TTN: variants seen among roughly 807,000 people sequenced by gnomAD.
TTN encodes titin, also known as connectin.
A neutral mutation model predicts 3,223.0 loss-of-function variants in TTN; 1,525 were observed. The ratio of observed to expected loss-of-function variants is 0.47; its 90% confidence interval spans 0.45 to 0.49. The LOEUF (loss-of-function observed/expected upper bound fraction) is 0.49, where lower values mean the gene tolerates loss of function less well. TTN is among the 20% of genes least tolerant of loss of function. The pLI is 0.00. For missense variants in TTN, 40,786 were observed against 43,424.0 expected (o/e 0.94, Z 5.40); for synonymous variants, 14,094 against 15,161.0 (o/e 0.93, Z 5.17).
chr2:178,547,647 C>G lies in TTN; in HGVS notation c.93979G>C (p.Val31327Leu). 1 of 1,613,880 alleles carries G rather than the reference C, an allele frequency of 6.2e-7. No homozygotes were observed. The highest frequency in any genetic ancestry group is 1.7e-5 in the Admixed American group (1 of 60,012). Residue 31327 changes from valine (V) to leucine (L), a missense_variant, in exon 339 of 363, where the codon GTC (valine) becomes CTC (leucine). Transcript: ENST00000589042. ...EVSSVSAESC[V>L]LSWGEPKDGG... ...TCTTTAGGTTCTCCCCATGACAGGA[C>G]ACACGATTCAGCTGAGACAGATGAG...
rs886042279 is a variant in TTN at position 178,586,577 on chromosome 2, C to T, written c.64324G>A (p.Ala21442Thr). The change falls in exon 308 of 363, where the codon GCG becomes ACG. Residue 21442 changes from alanine (A) to threonine (T), a missense_variant. Coordinates refer to ENST00000589042, the MANE Select transcript of TTN (RefSeq NM_001267550.2). ...KEGKKYKFRV[A>T]ARNAVGVSLP... ...CTGACTCCAACAGCATTTCTGGCCGCTACTCTAAATTTGTATTTCTTTCCT... is the reference window on the plus strand; with the variant it reads ...CTGACTCCAACAGCATTTCTGGCCGTTACTCTAAATTTGTATTTCTTTCCT... 1.2e-6 allele frequency: 2 copies of T among 1,613,220 alleles called. No homozygotes were observed. Among genetic ancestry groups the T allele is most frequent in the South Asian group, 1.1e-5 (1 of 91,066 alleles).
At chr2:178,603,267 C>G (rs2053935026) in intron 282 of TTN, among the ~76,000 whole-genome samples, 1 of 152,002 alleles carries the variant, frequency 6.6e-6, no homozygotes, top group Non-Finnish European at 1.5e-5. Context: ...TTAAAATTTT[C>G]TTTTTAACAA....
At chr2:178,751,830 T>C in intron 47 of TTN, 1 of 1,612,928 alleles carries the variant, frequency 6.2e-7, no homozygotes, top group Non-Finnish European at 8.5e-7. Context: ...AATCTACATG[T>C]AAAAACAACC....
intron 152 of TTN, among the ~76,000 whole-genome samples, 181 bp downstream of exon 152, chr2:178,673,452 C>A (rs543423069): frequency 6.6e-6 from 1 of 151,666 alleles, no homozygotes; most frequent in African/African-American, 2.4e-5. Flanking sequence ...AACACATGCA[C>A]ACAATTATTC....
At chr2:178,757,231 T>TGCACTTGCTTTAAGTA (rs1252574568) in intron 45 of TTN, among the ~76,000 whole-genome samples, 4 of 148,872 alleles carry the variant, frequency 2.7e-5, no homozygotes, top group Non-Finnish European at 6.0e-5. Flanking sequence ...TAAGTAATAA[T>TGCACTTGCTTTAAGTA]CAGCAAATAG....
rs577123833 is a variant in TTN, at chr2:178,555,236, T to TTAAAGTAAAG, written c.88307-85_88307-84insCTTTACTTTA. 589 of 1,267,534 alleles carry TTAAAGTAAAG rather than the reference T, an allele frequency of 4.6e-4. 1 individual carries two copies. In the African/African-American group the frequency reaches 8.3e-3, roughly 18 times the overall value. The allele number at this position is 1,267,534 out of a possible 1,614,324, so 78.5% of individuals were successfully genotyped here. A position where few individuals can be genotyped will look rare whatever the true frequency, so the allele number is the denominator to read the frequency against. ...TTGCACCAACCTTAAAGTAAGGTCA[T>TTAAAGTAAAG]TGGCCATTATTAAATTATACACACA... On this transcript the variant is annotated intron_variant, in intron 330 of 362. Transcript: ENST00000589042.
rs150545120 is a variant in TTN, at chr2:178,679,093, G to T, written c.33742+246C>A. ...GTTTTGTCCATTTTGATATGCAAAA[G>T]GAATGTATTTTACTTGAAGAACTTT... On this transcript the variant is annotated intron_variant, in intron 142 of 362. Coordinates refer to ENST00000589042, the MANE Select transcript of TTN (RefSeq NM_001267550.2). Among the ~76,000 whole-genome samples the T allele has an allele frequency of 2.1e-4, 32 of 152,096 alleles. No individual in the cohort carries two copies. The East Asian group carries it at 5.6e-3, about 27-fold the overall frequency.
At position 178,582,007 on chromosome 2, in the gene TTN, T is replaced by C. The variant is rs1369743485; in HGVS notation, c.66362A>G (p.Gln22121Arg). 1 of 1,613,380 alleles carries C rather than the reference T, an allele frequency of 6.2e-7. No homozygotes were observed. ...IERTLKATGLQEGTEYEFRVT... is the reference protein window; with the variant it reads ...IERTLKATGLREGTEYEFRVT... ...ACGGAACTCATATTCGGTACCTTCTTGAAGACCTGTTGCTTTTAATGTTCT... is the reference window on the plus strand; with the variant it reads ...ACGGAACTCATATTCGGTACCTTCTCGAAGACCTGTTGCTTTTAATGTTCT... Residue 22121 changes from glutamine (Q) to arginine (R), a missense_variant, in exon 315 of 363, where the codon CAA becomes CGA. Transcript: ENST00000589042.
chr2:178,706,601 A>C lies in TTN; in HGVS notation c.29273T>G (p.Ile9758Ser). The change falls in exon 102 of 363, where the codon ATT (isoleucine) becomes AGT (serine). Residue 9758 changes from isoleucine to serine, a missense_variant. Coordinates refer to ENST00000589042, the MANE Select transcript of TTN (RefSeq NM_001267550.2). Reference sequence around the variant, plus strand: ...AGAATCAGTTTTTGTGGTGTCCCTAATCTCCAGTTTTGCTTCATCGCCTTT... The same window carrying C: ...AGAATCAGTTTTTGTGGTGTCCCTACTCTCCAGTTTTGCTTCATCGCCTTT... ...HQKGDEAKLE[I>S]RDTTKTDSGL... 3 of 1,613,842 alleles carry C rather than the reference A, an allele frequency of 1.9e-6. No individual in the cohort carries two copies. Among genetic ancestry groups the C allele is most frequent in the Non-Finnish European group, 2.5e-6 (3 of 1,179,828 alleles).
At chr2:178,546,941 AC>A in intron 340 of TTN, 36 bp from the exon 341 acceptor site, 1 of 1,577,022 alleles carries the variant, frequency 6.3e-7, no homozygotes, top group South Asian at 1.2e-5. Context: ...AAAATATACC[AC>A]TCTGAGTTCT....
chr2:178,556,635 T>A, intron 330 of TTN: 3 of 582,454 alleles, frequency 5.2e-6, no homozygotes, highest in Non-Finnish European at 8.9e-6. Flanking sequence ...ATAGATATCC[T>A]GAGGTCTAAA....
intron 86 of TTN, 51 bp downstream of exon 86, chr2:178,717,892 T>G (rs1224529438): frequency 6.3e-7 from 1 of 1,575,848 alleles, no homozygotes; most frequent in Non-Finnish European, 8.6e-7. Flanking sequence ...GTTTTAACGT[T>G]TTTAAGAAAA....
Position 178,671,077 on chromosome 2 carries a change from A to T in TTN, c.35308+13T>A. 1 of 1,594,578 alleles carries T rather than the reference A, an allele frequency of 6.3e-7. No individual in the cohort carries two copies. Among genetic ancestry groups the T allele is most frequent in the African/African-American group, 1.4e-5 (1 of 73,676 alleles). ...ATGTAAAGTTAAGTAGTAATTTTTC[A>T]CAAAGAAGATACCTTTAGCTGGTGG... On this transcript the variant is annotated intron_variant, in intron 156 of 362. Transcript: ENST00000589042.
intron 47 of TTN, chr2:178,750,463 G>T (rs2085130668): frequency 6.2e-7 from 1 of 1,612,942 alleles, no homozygotes; most frequent in Non-Finnish European, 8.5e-7. Flanking sequence ...GCATGTCATT[G>T]TTATACCACG....
rs2050534422 is a variant in TTN at position 178,592,887 on chromosome 2, G to T, written c.59232C>A (p.Val19744=). 4 of 1,613,352 alleles carry T rather than the reference G, an allele frequency of 2.5e-6. No individual in the cohort carries two copies. The highest frequency in any genetic ancestry group is 1.7e-5 in the Admixed American group (1 of 59,962). Residue 19744 remains valine, a synonymous_variant, in exon 300 of 363, where the codon GTC becomes GTA. Coordinates refer to ENST00000589042, the MANE Select transcript of TTN (RefSeq NM_001267550.2). Reference sequence around the variant, plus strand: ...AGGTTTGACCGTCCCGAAGACCGGTGACTTTATATTTAGTTTCAGGACATG... The same window carrying T: ...AGGTTTGACCGTCCCGAAGACCGGTTACTTTATATTTAGTTTCAGGACATG... The part of the protein sequence containing the change: ...PESCPETKYK[V]TGLRDGQTYK...
chr2:178,715,653 C>A lies in TTN; in HGVS notation c.25761G>T (p.Glu8587Asp), dbSNP rs2077371991. 6.2e-7 allele frequency: 1 copy of A among 1,613,364 alleles called. No individual in the cohort carries two copies. Among genetic ancestry groups the A allele is most frequent in the Non-Finnish European group, 8.5e-7 (1 of 1,179,548 alleles). Residue 8587 changes from glutamate to aspartate, a missense_variant, in exon 89 of 363, where the codon GAG becomes GAT. Physicochemically the swap from Glu to Asp is conservative, Grantham distance 45. Coordinates refer to ENST00000589042, the MANE Select transcript of TTN (RefSeq NM_001267550.2). ...PEIKVLWYKD[E>D]TEIQESSKFR... ...ATTTACTGCTCTCTTGAATTTCAGT[C>A]TCGTCCTTATACCATAAAACTTTGA...
intron 110 of TTN, 109 bp from the exon 111 acceptor site, chr2:178,701,312 G>T: frequency 9.2e-7 from 1 of 1,083,120 alleles, no homozygotes; most frequent in Non-Finnish European, 1.3e-6. Context: ...ATTATAGTAC[G>T]AATTCATCAG....
chr2:178,743,803 G>C (rs2082931256), intron 47 of TTN, among the ~76,000 whole-genome samples: 1 of 151,946 alleles, frequency 6.6e-6, no homozygotes, highest in Non-Finnish European at 1.5e-5. Context: ...TCAGGAATTT[G>C]TGATGTGATA....
chr2:178,802,071 T>C (rs2154359760), intron 3 of TTN, 67 bp downstream of exon 3: 1 of 1,600,126 alleles, frequency 6.2e-7, no homozygotes, highest in Non-Finnish European at 8.6e-7. Flanking sequence ...TTTTCTGGAC[T>C]CCTTTCCCAA....
Sources: allele counts gnomAD v4.1 joint callset (sites outside exome capture counted in the v4.1 genomes callset), GRCh38; gene constraint gnomAD v4.1.1; transcripts MANE v1.5; gene names NCBI Gene and HGNC (gene_info 2026-07-23, HGNC 2026-07-21).